The following PTPRD variants were observed in gnomAD, a reference collection of about 807,000 sequenced individuals.
The protein encoded by PTPRD is protein tyrosine phosphatase receptor type D.
Under a neutral mutation model 214.5 loss-of-function variants are expected in PTPRD, and 34 were observed. The observed-to-expected ratio is 0.16, with a 90% CI of 0.12 to 0.21. PTPRD has a LOEUF of 0.21. Ranked by LOEUF, PTPRD falls within the 10% of genes least tolerant of loss-of-function variation. The pLI is 1.00. For synonymous variants in PTPRD, 1,128 were observed against 845.7 expected, an observed-to-expected ratio of 1.33 and a Z score of -5.79; for missense variants, 2,545 against 2,398.7, an observed-to-expected ratio of 1.06 and a Z score of -1.27.
At chr9:10,088,588 T>C (rs2098387578) in intron 3 of PTPRD, among the ~76,000 whole-genome samples, 1 of 151,744 alleles carries the variant, frequency 6.6e-6, no homozygotes, top group African/African-American at 2.4e-5. Context: ...TTCAGGAAGA[T>C]AAAGGAACTG....
intron 39 of PTPRD, among the ~76,000 whole-genome samples, chr9:8,343,416 T>C (rs1183988509): frequency 2.0e-5 from 3 of 152,086 alleles, no homozygotes; most frequent in African/African-American, 7.2e-5. Context: ...CAGAGAGTCC[T>C]ACAAATGATA....
intron 3 of PTPRD, among the ~76,000 whole-genome samples, chr9:10,282,711 G>A (rs1430343450): frequency 6.7e-6 from 1 of 149,766 alleles, no homozygotes; most frequent in East Asian, 1.9e-4. Context: ...CTTTCACACT[G>A]ATTTTTTTTA....
intron 8 of PTPRD, among the ~76,000 whole-genome samples, chr9:9,446,579 G>A (rs1569568404): frequency 6.6e-6 from 1 of 151,992 alleles, no homozygotes; most frequent in South Asian, 2.1e-4. Flanking sequence ...TTTATTGAGG[G>A]CACATTATTG....
intron 2 of PTPRD, among the ~76,000 whole-genome samples, chr9:10,576,049 C>T (rs893759290): frequency 2.6e-5 from 4 of 152,106 alleles, no homozygotes; most frequent in African/African-American, 9.7e-5. Context: ...GGTTCACAGG[C>T]AGGCCTGTTG....
intron 12 of PTPRD, among the ~76,000 whole-genome samples, chr9:8,711,367 T>C (rs2098329251): frequency 6.6e-6 from 1 of 152,110 alleles, no homozygotes; most frequent in Non-Finnish European, 1.5e-5. Flanking sequence ...TATATTTCTA[T>C]CATGACTACT....
chr9:8,523,053 T>C (rs1219014708), intron 19 of PTPRD, among the ~76,000 whole-genome samples: 2 of 151,716 alleles, frequency 1.3e-5, no homozygotes, highest in Non-Finnish European at 2.9e-5. Flanking sequence ...TTCACAGAGG[T>C]TACACAAAGC....
At chr9:8,888,961 G>A (rs960287849) in intron 11 of PTPRD, among the ~76,000 whole-genome samples, 3 of 152,158 alleles carry the variant, frequency 2.0e-5, no homozygotes, top group Non-Finnish European at 4.4e-5. Flanking sequence ...TTCCTTATAA[G>A]GTTATTGGGA....
intron 2 of PTPRD, among the ~76,000 whole-genome samples, chr9:10,469,576 T>C (rs890421805): frequency 6.6e-6 from 1 of 152,096 alleles, no homozygotes; most frequent in Non-Finnish European, 1.5e-5. Flanking sequence ...TAAATTAGTA[T>C]AGCCATTATG....
intron 8 of PTPRD, among the ~76,000 whole-genome samples, chr9:9,457,430 G>T (rs2093168107): frequency 6.6e-6 from 1 of 151,890 alleles, no homozygotes; most frequent in Admixed American, 6.6e-5. Flanking sequence ...TTTAATAATG[G>T]CTGAAAAATA....
intron 2 of PTPRD, among the ~76,000 whole-genome samples, chr9:10,443,099 A>G (rs2098772140): frequency 6.6e-6 from 1 of 151,366 alleles, no homozygotes; most frequent in Admixed American, 6.6e-5. Context: ...AGAAAAAAAA[A>G]AAAAGGCCTG....
intron 3 of PTPRD, among the ~76,000 whole-genome samples, chr9:10,086,930 G>C (rs563960704): frequency 2.6e-5 from 4 of 151,802 alleles, no homozygotes; most frequent in African/African-American, 9.6e-5. Context: ...GTTTATAGCA[G>C]TCTCCACTTT....
At chr9:9,199,663 T>A (rs2099940717) in intron 9 of PTPRD, among the ~76,000 whole-genome samples, 1 of 152,194 alleles carries the variant, frequency 6.6e-6, no homozygotes, top group African/African-American at 2.4e-5. Context: ...ATTTTAAATA[T>A]ATTTCAGAAA....
chr9:9,550,123 C>G (rs1569569197), intron 8 of PTPRD, among the ~76,000 whole-genome samples: 2 of 151,872 alleles, frequency 1.3e-5, no homozygotes, highest in African/African-American at 4.8e-5. Flanking sequence ...GAATGGAATT[C>G]ATCTTATCAG....
At chr9:10,263,181 A>G (rs2382199) in intron 3 of PTPRD, among the ~76,000 whole-genome samples, 26,433 of 152,138 alleles carry the variant, frequency 0.17, 2,414 homozygotes, top group Non-Finnish European at 0.19. Context: ...GCAACAAACC[A>G]ATACAGTAAA....
chr9:9,820,743 C>G (rs2050416819), intron 5 of PTPRD, among the ~76,000 whole-genome samples: 1 of 152,046 alleles, frequency 6.6e-6, no homozygotes, highest in Admixed American at 6.6e-5. Flanking sequence ...TAGGCAGTCC[C>G]TTCCCCATTG....
At chr9:10,410,508 T>C (rs1338529617) in intron 2 of PTPRD, among the ~76,000 whole-genome samples, 2 of 151,190 alleles carry the variant, frequency 1.3e-5, no homozygotes, top group Non-Finnish European at 3.0e-5. Context: ...ACACAAACTG[T>C]TGATGTAGTG....
intron 2 of PTPRD, among the ~76,000 whole-genome samples, chr9:10,550,908 C>G (rs761479604): frequency 3.3e-5 from 5 of 152,162 alleles, no homozygotes; most frequent in Non-Finnish European, 7.3e-5. Context: ...TTCCCATGGC[C>G]TTATTCACTT....
intron 17 of PTPRD, among the ~76,000 whole-genome samples, chr9:8,525,943 C>A (rs1357626165): frequency 6.6e-6 from 1 of 151,328 alleles, no homozygotes; most frequent in African/African-American, 2.4e-5. Context: ...GCCTGAAGGA[C>A]AGAAGATCCA....
At chr9:8,450,228 A>G (rs1263723137) in intron 33 of PTPRD, among the ~76,000 whole-genome samples, 1 of 152,166 alleles carries the variant, frequency 6.6e-6, no homozygotes, top group African/African-American at 2.4e-5. Context: ...TGTTGTTACC[A>G]TAGAGAAACT....
Sources: allele counts gnomAD v4.1 joint callset (sites outside exome capture counted in the v4.1 genomes callset), GRCh38; gene constraint gnomAD v4.1.1; transcripts MANE v1.5; gene names NCBI Gene and HGNC (gene_info 2026-07-23, HGNC 2026-07-21).